CSMD1: variants seen among roughly 807,000 people sequenced by gnomAD.
CSMD1 encodes CUB and sushi domain-containing protein 1.
A neutral mutation model predicts 417.5 loss-of-function variants in CSMD1; 213 were observed. That is an observed-to-expected ratio of 0.51 (90% CI 0.46 to 0.57). The LOEUF is 0.57. CSMD1 is among the 20% of genes least tolerant of loss of function. The pLI is 0.00. For missense variants in CSMD1, 6,923 were observed against 4,529.7 expected (o/e 1.53, Z -15.17); for synonymous variants, 2,862 against 1,736.8 (o/e 1.65, Z -16.11).
chr8:4,231,648 C>A (rs1217929994), intron 3 of CSMD1, among the ~76,000 whole-genome samples: 1 of 152,168 alleles, frequency 6.6e-6, no homozygotes, highest in African/African-American at 2.4e-5. Flanking sequence ...CAGGCTCTGT[C>A]TGATAAGTAG....
In CSMD1 at chr8:3,307,689, A is replaced by G. The variant is rs761939903; in HGVS notation, c.3950+6T>C. 2 of 1,612,368 alleles carry G rather than the reference A, an allele frequency of 1.2e-6. No individual in the cohort carries two copies. On this transcript the variant is annotated splice_donor_region_variant and intron_variant, in intron 25 of 69. Transcript: ENST00000635120. ...CAAATCACTGAAACCAAAATAAAAC[A>G]AGTACCTAATGGTCTTTCCTGGGTC...
chr8:3,528,532 T>C (rs1316526737), intron 10 of CSMD1, among the ~76,000 whole-genome samples: 1 of 152,142 alleles, frequency 6.6e-6, no homozygotes, highest in African/African-American at 2.4e-5. Flanking sequence ...GATAATCACA[T>C]CTCATTTCCA....
At chr8:4,086,934 A>C (rs1266161651) in intron 3 of CSMD1, among the ~76,000 whole-genome samples, 2 of 152,158 alleles carry the variant, frequency 1.3e-5, no homozygotes, top group Non-Finnish European at 2.9e-5. Context: ...AAACTCACTA[A>C]CCAGCTGTGT....
At chr8:2,963,868 T>C (rs2128927386) in intron 59 of CSMD1, among the ~76,000 whole-genome samples, 1 of 152,280 alleles carries the variant, frequency 6.6e-6, no homozygotes, top group East Asian at 1.9e-4. Flanking sequence ...ACTGAATATA[T>C]TTTTTTAGAA....
intron 7 of CSMD1, among the ~76,000 whole-genome samples, chr8:3,667,607 G>A (rs1468694664): frequency 6.6e-6 from 1 of 152,176 alleles, no homozygotes; most frequent in African/African-American, 2.4e-5. Flanking sequence ...TTTTGTGAGT[G>A]ACAGAGGAGT....
intron 5 of CSMD1, among the ~76,000 whole-genome samples, chr8:3,841,991 A>G (rs10113393): frequency 0.14 from 20,563 of 152,180 alleles, 1,473 homozygotes; most frequent in East Asian, 0.19. Flanking sequence ...ATCGTGTTGC[A>G]GCATCAATTT....
rs139831573 is a variant in CSMD1 at position 4,952,820 on chromosome 8, C to A, written c.85+41512G>T. Among the ~76,000 whole-genome samples the A allele has an allele frequency of 1.2e-4, 19 of 152,186 alleles. No individual in the cohort carries two copies. The East Asian group carries it at 3.1e-3, about 25-fold the overall frequency. On this transcript the variant is annotated intron_variant, in intron 1 of 69. Transcript: ENST00000635120. ...AACAATACTTCTACACAGTAATCAG[C>A]GTTTTTAATAACTCTGACTATATGC...
At chr8:3,399,770 T>C (rs1008676410) in intron 15 of CSMD1, among the ~76,000 whole-genome samples, 1 of 152,228 alleles carries the variant, frequency 6.6e-6, no homozygotes, top group Admixed American at 6.5e-5. Flanking sequence ...TGGTAATGTA[T>C]ACGTGAGTTC....
At chr8:3,834,765 G>A (rs1329336718) in intron 5 of CSMD1, among the ~76,000 whole-genome samples, 1 of 151,882 alleles carries the variant, frequency 6.6e-6, no homozygotes, top group Non-Finnish European at 1.5e-5. Flanking sequence ...TGGCGGAATA[G>A]GAAGAGCTCA....
intron 1 of CSMD1, among the ~76,000 whole-genome samples, chr8:4,873,077 A>G (rs904454508): frequency 6.6e-6 from 1 of 152,112 alleles, no homozygotes; most frequent in African/African-American, 2.4e-5. Context: ...ATGTTTTCGT[A>G]TATGTATACA....
At chr8:3,639,191 G>C (rs147625302) in intron 7 of CSMD1, among the ~76,000 whole-genome samples, 1 of 152,216 alleles carries the variant, frequency 6.6e-6, no homozygotes, top group East Asian at 1.9e-4. Flanking sequence ...GAGTAAGTCA[G>C]AAAGTAAAGA....
chr8:3,996,832 T>G (rs755246911), intron 5 of CSMD1, among the ~76,000 whole-genome samples: 2 of 152,236 alleles, frequency 1.3e-5, no homozygotes, highest in Non-Finnish European at 2.9e-5. Flanking sequence ...ATCATCAGCA[T>G]TGAGCCTTGT....
intron 2 of CSMD1, among the ~76,000 whole-genome samples, chr8:4,519,741 TCAAAA>T (rs1803328618): frequency 6.0e-5 from 1 of 16,620 alleles, no homozygotes; most frequent in Non-Finnish European, 9.3e-5. Context: ...AGACTTCATC[TCAAAA>T]AAAAAAAAAA....
chr8:3,773,526 A>G (rs1414427628), intron 5 of CSMD1, among the ~76,000 whole-genome samples: 5 of 152,172 alleles, frequency 3.3e-5, no homozygotes, highest in East Asian at 1.9e-4. Context: ...GACTCAAGTG[A>G]TCCTCCCACC....
intron 3 of CSMD1, among the ~76,000 whole-genome samples, chr8:4,070,345 T>C (rs991650260): frequency 3.9e-5 from 6 of 152,140 alleles, no homozygotes; most frequent in Admixed American, 3.9e-4. Context: ...CTTCTTATAT[T>C]AACCAAAATA....
At chr8:4,535,725 T>C (rs1216919755) in intron 2 of CSMD1, among the ~76,000 whole-genome samples, 3 of 152,176 alleles carry the variant, frequency 2.0e-5, no homozygotes, top group South Asian at 4.1e-4. Context: ...GAGACAATAA[T>C]CTAAATGATC....
intron 3 of CSMD1, among the ~76,000 whole-genome samples, chr8:4,087,022 G>A (rs144194387): frequency 1.1e-3 from 170 of 152,316 alleles, no homozygotes; most frequent in African/African-American, 3.9e-3. Flanking sequence ...TGTACATCAT[G>A]GAATTAAGTT....
chr8:4,111,972 A>G (rs2130912924), intron 3 of CSMD1, among the ~76,000 whole-genome samples: 1 of 151,766 alleles, frequency 6.6e-6, no homozygotes, highest in South Asian at 2.1e-4. Context: ...TTACATACAT[A>G]GTTTTTTATT....
chr8:3,282,711 G>A (rs187069555), intron 26 of CSMD1, among the ~76,000 whole-genome samples: 33 of 152,260 alleles, frequency 2.2e-4, no homozygotes, highest in African/African-American at 7.5e-4. Context: ...ACTGTTCAGA[G>A]CACAGTGAAA....
Sources: allele counts gnomAD v4.1 joint callset (sites outside exome capture counted in the v4.1 genomes callset), GRCh38; gene constraint gnomAD v4.1.1; transcripts MANE v1.5; gene names NCBI Gene and HGNC (gene_info 2026-07-23, HGNC 2026-07-21).